MST1R: variants seen among roughly 807,000 people sequenced by gnomAD.
MST1R encodes macrophage stimulating 1 receptor, also known as macrophage-stimulating protein receptor.
A neutral mutation model predicts 117.8 loss-of-function variants in MST1R; 99 were observed. The ratio of observed to expected loss-of-function variants is 0.84; its 90% CI spans 0.71 to 0.99. MST1R has a LOEUF of 0.99. MST1R is among the 50% of genes least tolerant of loss of function. MST1R has a pLI of 0.00. For missense variants in MST1R, 1,683 were observed against 1,840.2 expected (o/e 0.91, Z 1.56); for synonymous variants, 734 against 765.3 (o/e 0.96, Z 0.68).
intron 1 of MST1R, among the ~76,000 whole-genome samples, chr3:49,901,071 C>T (rs1036014252): frequency 1.3e-5 from 2 of 152,214 alleles, no homozygotes; most frequent in Non-Finnish European, 2.9e-5. Context: ...TTCTGACCCA[C>T]TGACCACTAG....
intron 6 of MST1R, 41 bp from the exon 7 acceptor site, chr3:49,897,457 C>T: frequency 6.2e-7 from 1 of 1,609,472 alleles, no homozygotes; most frequent in Non-Finnish European, 8.5e-7. Context: ...TCCTCCACTC[C>T]AAGCCCCTCC....
chr3:49,902,099 A>C (rs1165626642), intron 1 of MST1R, among the ~76,000 whole-genome samples: 10 of 152,140 alleles, frequency 6.6e-5, no homozygotes, highest in Admixed American at 6.6e-4. Context: ...TCACATAGCC[A>C]GGGAAACTAC....
Position 49,896,761 on chromosome 3 carries a change from G to C in MST1R, c.2313C>G (p.Val771=), listed in dbSNP as rs772228896. Residue 771 remains valine, a synonymous_variant, in exon 8 of 20, where the codon GTC becomes GTG. Coordinates refer to ENST00000296474, the MANE Select transcript of MST1R (RefSeq NM_002447.4). The part of the protein sequence containing the change: ...SWTFQYREDP[V]VLSISPNCGY... ...CACAGTTGGGGCTGATGCTTAGCAC[G>C]ACAGGGTCTTCTCTGTACTGGAAGG... The C allele has an allele frequency of 1.9e-6, 3 of 1,581,716 alleles. No individual in the cohort carries two copies. The highest frequency in any genetic ancestry group is 1.7e-4 in the Middle Eastern group (1 of 6,032).
Position 49,902,845 on chromosome 3 carries a change from C to T in MST1R, c.765G>A (p.Thr255=), listed in dbSNP as rs546605779. 1.7e-5 allele frequency: 28 copies of T among 1,613,638 alleles called. No individual in the cohort carries two copies. In the South Asian group the frequency reaches 1.8e-4, roughly 10 times the overall value. The change falls in exon 1 of 20, where the codon ACG becomes ACA. Residue 255 remains threonine (T), a synonymous_variant. Transcript: ENST00000296474. ...CAGTCAGGAAGTATACGAAGGCTCC[C>T]GTGTGGAAGCTGTGCACGTATTCAA... The part of the protein sequence containing the change: ...YSIEYVHSFH[T]GAFVYFLTVQ...
At chr3:49,891,340 C>T (rs2082308992) in intron 16 of MST1R, 34 bp from the exon 17 acceptor site, 1 of 1,613,716 alleles carries the variant, frequency 6.2e-7, no homozygotes, top group Admixed American at 1.7e-5. Context: ...GGCAAGGGCA[C>T]AGCAGCTCCT....
At chr3:49,899,422 C>A in intron 1 of MST1R, 159 bp from the exon 2 acceptor site, 1 of 725,454 alleles carries the variant, frequency 1.4e-6, no homozygotes, top group South Asian at 1.8e-5. Context: ...ACATTGCCCC[C>A]ACAGGGCTCT....
In MST1R at chr3:49,895,260, T is replaced by C; in HGVS notation, c.3178A>G (p.Arg1060Gly). 6.2e-7 allele frequency: 1 copy of C among 1,614,212 alleles called. No homozygotes were observed. Among genetic ancestry groups the C allele is most frequent in the Non-Finnish European group, 8.5e-7 (1 of 1,180,038 alleles). ...PLLRKESIQL[R>G]DLDSALLAEV... ...GCCAAGAGCGCAGAGTCCAGGTCCC[T>C]TAGCTGGATGGACTCTTTCCGCAGC... Residue 1060 changes from arginine to glycine, a missense_variant, in exon 14 of 20, where the codon AGG becomes GGG. Coordinates refer to ENST00000296474, the MANE Select transcript of MST1R (RefSeq NM_002447.4).
rs1212087246 is a variant in MST1R, at chr3:49,901,041, G to GC, written c.1230+1338dup. 3.3e-5 allele frequency among the ~76,000 whole-genome samples: 5 copies of GC among 152,194 alleles called. No homozygotes were observed. The East Asian group carries it at 9.6e-4, about 29-fold the overall frequency. Reference sequence around the variant, plus strand: ...ATTAGTCTTCCTGGAGCCTGGCACTGCCCAGCCGTGCTGGGTGTCTTCTGA... The same window carrying GC: ...ATTAGTCTTCCTGGAGCCTGGCACTGCCCCAGCCGTGCTGGGTGTCTTCTGA... On this transcript the variant is annotated intron_variant, in intron 1 of 19. Transcript: ENST00000296474.
At chr3:49,893,373 G>A (rs1559471003) in intron 14 of MST1R, among the ~76,000 whole-genome samples, 1 of 151,964 alleles carries the variant, frequency 6.6e-6, no homozygotes, top group Non-Finnish European at 1.5e-5. Flanking sequence ...GGAGATCAAG[G>A]CAGGCAGATC....
In MST1R at chr3:49,890,284, G is replaced by A. The variant is rs1575422867; in HGVS notation, c.3810+201C>T. On this transcript the variant is annotated intron_variant, in intron 18 of 19. Transcript: ENST00000296474. ...GGGCAGGCCCTGGATTATCTGTGAG[G>A]AGCCAGTGAGTTCCCAGCCTCCTCT... Among the ~76,000 whole-genome samples the A allele has an allele frequency of 5.3e-5, 8 of 152,278 alleles. 1 individual carries two copies. Among genetic ancestry groups the A allele is most frequent in the Admixed American group, 5.2e-4 (8 of 15,304 alleles).
chr3:49,893,855 C>T (rs1188786370), intron 14 of MST1R, among the ~76,000 whole-genome samples: 8 of 149,172 alleles, frequency 5.4e-5, no homozygotes, highest in East Asian at 2.0e-4. Context: ...GTCGAGATCG[C>T]GCCACTGCAC....
chr3:49,898,770 AG>A, intron 3 of MST1R, 82 bp from the exon 4 acceptor site: 1 of 1,604,752 alleles, frequency 6.2e-7, no homozygotes, highest in Non-Finnish European at 8.5e-7. Flanking sequence ...ACAGTAGGCT[AG>A]GGTGGTAGGG....
rs891415020 is a variant in MST1R, at chr3:49,902,937, C to A, written c.673G>T (p.Ala225Ser). The change falls in exon 1 of 20, where the codon GCC (alanine) becomes TCC (serine). Residue 225 changes from alanine (A) to serine (S), a missense_variant. Transcript: ENST00000296474. The part of the protein sequence containing the change: ...SVSIRRLKAD[A>S]SGFAPGFVAL... The stretch of plus-strand genomic sequence containing the variant: ...ACAAAGCCCGGTGCGAATCCCGAGG[C>A]GTCAGCCTTGAGACGCCTGATAGAC... 6.2e-7 allele frequency: 1 copy of A among 1,613,304 alleles called. No individual in the cohort carries two copies. Among genetic ancestry groups the A allele is most frequent in the East Asian group, 2.2e-5 (1 of 44,892 alleles).
rs759880594 is a variant in MST1R, at chr3:49,895,897, A to G, written c.2797-17T>C. On this transcript the variant is annotated splice_polypyrimidine_tract_variant and intron_variant, in intron 11 of 19. Transcript: ENST00000296474. ...TACGCAGACCTGGGGGCAGGTGGCA[A>G]CTCAGGCCCAGCCTGTAGGCCCTCT... 5.0e-5 allele frequency: 79 copies of G among 1,585,128 alleles called. No homozygotes were observed. The highest frequency in any genetic ancestry group is 4.4e-5 in the Non-Finnish European group (51 of 1,164,770).
chr3:49,893,663 G>A (rs537094911), intron 14 of MST1R, among the ~76,000 whole-genome samples: 3 of 151,610 alleles, frequency 2.0e-5, no homozygotes, highest in South Asian at 4.2e-4. Flanking sequence ...ACTTTGGGAG[G>A]CTGAGGCGGG....
At chr3:49,892,938 C>T (rs1165561773) in intron 14 of MST1R, among the ~76,000 whole-genome samples, 1 of 145,668 alleles carries the variant, frequency 6.9e-6, no homozygotes, top group East Asian at 2.1e-4. Flanking sequence ...CCAGCCTGGG[C>T]AATAGAGTGA....
chr3:49,897,679 C>A lies in MST1R; in HGVS notation c.1887G>T (p.Val629=). 1 of 1,611,440 alleles carries A rather than the reference C, an allele frequency of 6.2e-7. No homozygotes were observed. Among genetic ancestry groups the A allele is most frequent in the Non-Finnish European group, 8.5e-7 (1 of 1,178,634 alleles). Residue 629 remains valine (V), a synonymous_variant, in exon 6 of 20, where the codon GTG becomes GTT. Coordinates refer to ENST00000296474, the MANE Select transcript of MST1R (RefSeq NM_002447.4). ...LPKDSSKLRP[V]PRKDFVEEFE... Reference sequence around the variant, plus strand: ...ACTCCTCTACAAAGTCTTTCCGGGGCACTGGTCTGGGGCACCAGGGGAACC... The same window carrying A: ...ACTCCTCTACAAAGTCTTTCCGGGGAACTGGTCTGGGGCACCAGGGGAACC...
rs1226314814 is a variant in MST1R, at chr3:49,896,744, G to A, written c.2330C>T (p.Pro777Leu). Residue 777 changes from proline (P) to leucine (L), a missense_variant, in exon 8 of 20, where the codon CCC becomes CTC. Physicochemically the swap from Pro to Leu is moderately conservative, Grantham distance 98. Transcript: ENST00000296474. ...REDPVVLSIS[P>L]NCGYINSHIT... ...CAGTGCTTACATGTAGCCACAGTTG[G>A]GGCTGATGCTTAGCACGACAGGGTC... The A allele has an allele frequency of 6.3e-7, 1 of 1,592,592 alleles. No individual in the cohort carries two copies. The highest frequency in any genetic ancestry group is 8.6e-7 in the Non-Finnish European group (1 of 1,168,418).
rs773848319 is a variant in MST1R, at chr3:49,895,881, C to T, written c.2797-1G>A. 3.8e-6 allele frequency: 6 copies of T among 1,595,100 alleles called. No individual in the cohort carries two copies. The highest frequency in any genetic ancestry group is 5.1e-6 in the Non-Finnish European group (6 of 1,169,604). On this transcript the variant is annotated splice_acceptor_variant, in intron 11 of 19. Transcript: ENST00000296474. LOFTEE classifies it high-confidence loss of function. ...TATGACATTCACCATCTACGCAGACCTGGGGGCAGGTGGCAACTCAGGCCC... is the reference window on the plus strand; with the variant it reads ...TATGACATTCACCATCTACGCAGACTTGGGGGCAGGTGGCAACTCAGGCCC...
Sources: allele counts gnomAD v4.1 joint callset (sites outside exome capture counted in the v4.1 genomes callset), GRCh38; gene constraint gnomAD v4.1.1; transcripts MANE v1.5; gene names NCBI Gene and HGNC (gene_info 2026-07-23, HGNC 2026-07-21).